Variants in SLC24A3 observed in about 807,000 individuals in gnomAD.
SLC24A3 encodes the protein sodium/potassium/calcium exchanger 3.
SLC24A3 carries 28 observed loss-of-function variants against 75.8 expected under a neutral mutation model. That is an observed-to-expected ratio of 0.37 (90% CI 0.27 to 0.51). SLC24A3 has a LOEUF of 0.51. Ranked by LOEUF, SLC24A3 falls within the 20% of genes least tolerant of loss-of-function variation. SLC24A3 has a pLI of 0.94. For missense variants in SLC24A3, 663 were observed against 847.8 expected, an observed-to-expected ratio of 0.78 and a Z score of 2.71; for synonymous variants, 372 against 334.1, an observed-to-expected ratio of 1.11 and a Z score of -1.24.
At chr20:19,624,978 G>C (rs553781794) in intron 6 of SLC24A3, among the ~76,000 whole-genome samples, 1 of 152,276 alleles carries the variant, frequency 6.6e-6, no homozygotes, top group Non-Finnish European at 1.5e-5. Flanking sequence ...GATCTGGGCT[G>C]ATCCTGGCTG....
chr20:19,617,546 T>C (rs1600304917), intron 6 of SLC24A3, among the ~76,000 whole-genome samples: 1 of 152,192 alleles, frequency 6.6e-6, no homozygotes, highest in Admixed American at 6.5e-5. Context: ...TCAGGAGACA[T>C]TGTCCATGAC....
intron 2 of SLC24A3, among the ~76,000 whole-genome samples, chr20:19,310,047 A>T (rs1181467306): frequency 3.9e-5 from 6 of 152,196 alleles, no homozygotes; most frequent in Non-Finnish European, 7.3e-5. Context: ...GCCGGACTTG[A>T]CATTGGAGGC....
At chr20:19,678,284 C>T (rs987605278) in intron 9 of SLC24A3, among the ~76,000 whole-genome samples, 4 of 140,752 alleles carry the variant, frequency 2.8e-5, no homozygotes, top group Non-Finnish European at 4.8e-5. Context: ...GTAGGGGCGG[C>T]CGGGCAGAGG....
intron 2 of SLC24A3, among the ~76,000 whole-genome samples, chr20:19,452,920 AC>A (rs1240353803): frequency 1.3e-5 from 2 of 152,188 alleles, no homozygotes; most frequent in Admixed American, 1.3e-4. Flanking sequence ...GCGGTGGCTC[AC>A]GCCTATAATC....
At chr20:19,506,977 C>T (rs11699244) in intron 2 of SLC24A3, among the ~76,000 whole-genome samples, 3,405 of 152,306 alleles carry the variant, frequency 0.022, 62 homozygotes, top group Admixed American at 0.038. Context: ...TGCCAGATGC[C>T]TTCTCCCATG....
At chr20:19,442,539 C>T (rs994515028) in intron 2 of SLC24A3, among the ~76,000 whole-genome samples, 3 of 152,106 alleles carry the variant, frequency 2.0e-5, no homozygotes, top group Non-Finnish European at 4.4e-5. Context: ...ATCTTTTGCT[C>T]ACTTTTTAAT....
At chr20:19,674,718 A>G (rs2032504666) in intron 9 of SLC24A3, among the ~76,000 whole-genome samples, 1 of 152,236 alleles carries the variant, frequency 6.6e-6, no homozygotes, top group Non-Finnish European at 1.5e-5. Context: ...CCATGTTATG[A>G]CATATGTTCT....
At chr20:19,380,689 G>A (rs1986165896) in intron 2 of SLC24A3, among the ~76,000 whole-genome samples, 1 of 152,094 alleles carries the variant, frequency 6.6e-6, no homozygotes, top group African/African-American at 2.4e-5. Context: ...GGATTATTTT[G>A]GAGGGATATT....
At chr20:19,251,563 A>G (rs116764700) in intron 1 of SLC24A3, among the ~76,000 whole-genome samples, 2 of 152,290 alleles carry the variant, frequency 1.3e-5, no homozygotes, top group African/African-American at 4.8e-5. Context: ...GCAGGGGACA[A>G]CGAGGGCCCA....
intron 2 of SLC24A3, among the ~76,000 whole-genome samples, chr20:19,512,850 C>G (rs1431951669): frequency 6.6e-6 from 1 of 152,222 alleles, no homozygotes; most frequent in African/African-American, 2.4e-5. Context: ...TGCCACATAC[C>G]TGTACCCACT....
intron 2 of SLC24A3, among the ~76,000 whole-genome samples, chr20:19,403,945 G>A (rs1386809525): frequency 6.6e-6 from 1 of 152,218 alleles, no homozygotes; most frequent in Admixed American, 6.5e-5. Context: ...GATAAAACAG[G>A]TAAAAGCAGC....
chr20:19,515,642 C>A, intron 3 of SLC24A3, 78 bp downstream of exon 3: 1 of 1,434,630 alleles, frequency 7.0e-7, no homozygotes, highest in Non-Finnish European at 9.8e-7. Flanking sequence ...CCTGAGGTGC[C>A]CCCAGTAGAT....
intron 3 of SLC24A3, among the ~76,000 whole-genome samples, chr20:19,536,436 G>A (rs1295276245): frequency 1.3e-5 from 2 of 151,990 alleles, no homozygotes; most frequent in Non-Finnish European, 2.9e-5. Context: ...AAAAGTGGGG[G>A]TAGGCCATAC....
At chr20:19,554,232 G>T (rs555351094) in intron 3 of SLC24A3, among the ~76,000 whole-genome samples, 32 of 152,106 alleles carry the variant, frequency 2.1e-4, no homozygotes, top group Admixed American at 7.9e-4. Context: ...TTTTTATATG[G>T]ATTCCATAGT....
intron 2 of SLC24A3, among the ~76,000 whole-genome samples, chr20:19,460,538 T>A (rs571561414): frequency 6.6e-6 from 1 of 152,164 alleles, no homozygotes; most frequent in Non-Finnish European, 1.5e-5. Context: ...TGTGGTGCAA[T>A]GTGCATGATG....
At chr20:19,618,635 C>A in intron 6 of SLC24A3, among the ~76,000 whole-genome samples, 1 of 152,162 alleles carries the variant, frequency 6.6e-6, no homozygotes, top group East Asian at 1.9e-4. Flanking sequence ...AACTAGGTGA[C>A]CTTAACCAAG....
At chr20:19,362,410 G>A (rs1985806268) in intron 2 of SLC24A3, among the ~76,000 whole-genome samples, 1 of 152,180 alleles carries the variant, frequency 6.6e-6, no homozygotes, top group African/African-American at 2.4e-5. Flanking sequence ...ATTTGTTTGA[G>A]CTCAGCGCTT....
At chr20:19,572,260 C>T (rs531040522) in intron 3 of SLC24A3, among the ~76,000 whole-genome samples, 16 of 152,146 alleles carry the variant, frequency 1.1e-4, no homozygotes, top group Non-Finnish European at 2.1e-4. Flanking sequence ...GTGGGAGGAT[C>T]CCTTGAGCTG....
intron 6 of SLC24A3, among the ~76,000 whole-genome samples, chr20:19,641,440 T>A (rs952342376): frequency 2.0e-5 from 3 of 152,170 alleles, no homozygotes; most frequent in African/African-American, 7.2e-5. Flanking sequence ...TTAAAACAGA[T>A]CTGCTGTATA....
Sources: gnomAD v4.1 joint callset for allele counts (sites outside exome capture counted in the v4.1 genomes callset) on GRCh38, gnomAD v4.1.1 for gene constraint, MANE v1.5 for transcripts, NCBI Gene and HGNC (gene_info 2026-07-23, HGNC 2026-07-21) for gene names.